FGFR1: variants seen among roughly 807,000 people sequenced by gnomAD.
FGFR1 encodes fibroblast growth factor receptor 1.
In FGFR1, 18 loss-of-function variants were observed where a neutral mutation model predicts 93.7. That is an observed-to-expected ratio of 0.19 (90% CI 0.13 to 0.28). FGFR1 has a LOEUF of 0.28. Among genes scored for constraint, FGFR1 ranks in the 10% least tolerant of loss-of-function variants. FGFR1 has a pLI of 1.00. For synonymous variants in FGFR1, 448 were observed against 429.3 expected, an observed-to-expected ratio of 1.04 and a Z score of -0.54; for missense variants, 731 against 1,080.4, an observed-to-expected ratio of 0.68 and a Z score of 4.53.
intron 2 of FGFR1, among the ~76,000 whole-genome samples, chr8:38,441,609 G>A (rs143066266): frequency 2.6e-5 from 4 of 152,304 alleles, no homozygotes; most frequent in Admixed American, 6.5e-5. Flanking sequence ...GCATTGCTCT[G>A]GAAAGAGGGA....
chr8:38,413,503 C>G lies in FGFR1; in HGVS notation c.*125G>C. The G allele has an allele frequency of 8.9e-7, 1 of 1,128,714 alleles. No individual in the cohort carries two copies. Among genetic ancestry groups the G allele is most frequent in the Non-Finnish European group, 1.3e-6 (1 of 795,996 alleles). The allele number at this position is 1,128,714 out of a possible 1,614,324, so 69.9% of individuals were successfully genotyped here. ...GAAGGCAGGCCACACAGGAAGGCCC[C>G]TGGTAGGCAGCCGGCTCCTGCCAGC... On this transcript the variant is annotated 3_prime_UTR_variant, in exon 18 of 18. Transcript: ENST00000447712. This position sits in a 1 kb window ranked among gnomAD's most constrained non-coding sequence, Gnocchi z 4.2.
At position 38,424,379 on chromosome 8, in the gene FGFR1, G is replaced by A. The variant is rs781513971; in HGVS notation, c.936+130C>T. The A allele has an allele frequency of 4.2e-6, 4 of 941,490 alleles. No individual in the cohort carries two copies. Among genetic ancestry groups the A allele is most frequent in the Non-Finnish European group, 6.9e-6 (4 of 583,378 alleles). The allele number at this position is 941,490 out of a possible 1,614,324, so 58.3% of individuals were successfully genotyped here. On this transcript the variant is annotated intron_variant, in intron 7 of 17. Transcript: ENST00000447712. The surrounding 1 kb of genome is among the most constrained non-coding windows in gnomAD (Gnocchi z 4.3). ...GTGGCTAGATCCCTACTGAGATGGAGTGTGTGTGCCTGAAGCGTGAGGAAT... is the reference window on the plus strand; with the variant it reads ...GTGGCTAGATCCCTACTGAGATGGAATGTGTGTGCCTGAAGCGTGAGGAAT...
At chr8:38,441,211 C>T (rs997095390) in intron 2 of FGFR1, among the ~76,000 whole-genome samples, 3 of 152,270 alleles carry the variant, frequency 2.0e-5, no homozygotes, top group East Asian at 1.9e-4. Context: ...TAAAGGATAA[C>T]GCAGCCTGAG....
At position 38,429,943 on chromosome 8, in the gene FGFR1, G is replaced by A. The variant is rs1371683958; in HGVS notation, c.97C>T (p.Pro33Ser). 4 of 1,606,734 alleles carry A rather than the reference G, an allele frequency of 2.5e-6. No individual in the cohort carries two copies. The highest frequency in any genetic ancestry group is 1.3e-5 in the African/African-American group (1 of 74,800). ...PSPTLPEQAQ[P>S]WGAPVEVESF... ...TCCACTTCCACAGGGGCTCCCCAGGGCTGGGCTGCAGCCACCACGGGGCCG... is the reference window on the plus strand; with the variant it reads ...TCCACTTCCACAGGGGCTCCCCAGGACTGGGCTGCAGCCACCACGGGGCCG... The change falls in exon 3 of 18, where the codon CCC (proline) becomes TCC (serine). Residue 33 changes from proline to serine, a missense_variant. Around this residue, in one of 10 missense-constraint regions of FGFR1, gnomAD observed 212 missense variants for 205.8 expected, o/e 1.03. Coordinates refer to ENST00000447712, the MANE Select transcript of FGFR1 (RefSeq NM_023110.3). The surrounding 1 kb of genome is among the most constrained non-coding windows in gnomAD (Gnocchi z 4.4).
At chr8:38,437,599 A>AAG (rs1464139701) in intron 2 of FGFR1, among the ~76,000 whole-genome samples, 16 of 152,196 alleles carry the variant, frequency 1.1e-4, no homozygotes, top group African/African-American at 3.6e-4. Context: ...GGGGGAACAG[A>AAG]AGAGAATGAA....
rs2150568218 is a variant in FGFR1, at chr8:38,414,995, CAT to C, written c.1855-96_1855-95del. The C allele has an allele frequency of 3.0e-6, 3 of 986,940 alleles. No individual in the cohort carries two copies. The East Asian group carries it at 7.4e-5, about 24-fold the overall frequency. 61.1% of individuals were successfully genotyped at this position (986,940 alleles called of 1,614,324 possible). ...ACCCATGCAACTAGCCGACTTGTCTCATAGAACTTCTGCCACACTGCTCTGCC... is the reference window on the plus strand; with the variant it reads ...ACCCATGCAACTAGCCGACTTGTCTCAGAACTTCTGCCACACTGCTCTGCC... On this transcript the variant is annotated intron_variant, in intron 13 of 17. Transcript: ENST00000447712.
chr8:38,417,121 C>G (rs1032347184), intron 12 of FGFR1, among the ~76,000 whole-genome samples, 185 bp downstream of exon 12: 7 of 152,236 alleles, frequency 4.6e-5, no homozygotes, highest in African/African-American at 1.2e-4. Flanking sequence ...ATCTAGGTAT[C>G]TGTATTCCTG....
chr8:38,425,387 A>G (rs930584055), intron 6 of FGFR1, among the ~76,000 whole-genome samples: 2 of 152,132 alleles, frequency 1.3e-5, no homozygotes, highest in Non-Finnish European at 2.9e-5. Context: ...GCCTCAAGCA[A>G]TCCTCCAGCC....
In FGFR1 at chr8:38,418,006, A is replaced by AGAGAGTGGCAT; in HGVS notation, c.1431-26_1431-16dup. 6.2e-7 allele frequency: 1 copy of AGAGAGTGGCAT among 1,614,052 alleles called. No individual in the cohort carries two copies. Among genetic ancestry groups the AGAGAGTGGCAT allele is most frequent in the Non-Finnish European group, 8.5e-7 (1 of 1,179,906 alleles). On this transcript the variant is annotated splice_polypyrimidine_tract_variant and intron_variant, in intron 10 of 17. Transcript: ENST00000447712. Reference sequence around the variant, plus strand: ...CTAAGACCAGTCTTTCGGGGGAAACAGAGAGTGGCATAAGTTGGGGCTGGT... The same window carrying AGAGAGTGGCAT: ...CTAAGACCAGTCTTTCGGGGGAAACAGAGAGTGGCATGAGAGTGGCATAAGTTGGGGCTGGT...
chr8:38,442,674 G>T (rs1361873489), intron 2 of FGFR1, among the ~76,000 whole-genome samples: 1 of 152,140 alleles, frequency 6.6e-6, no homozygotes, highest in Non-Finnish European at 1.5e-5. Context: ...CCCAGCTGGG[G>T]CCTCTCGAAC....
chr8:38,464,312 CAAAAAAA>C (rs56133772), intron 1 of FGFR1, among the ~76,000 whole-genome samples: 1 of 82,394 alleles, frequency 1.2e-5, no homozygotes, highest in Non-Finnish European at 2.3e-5. Context: ...GAGACTATCT[CAAAAAAA>C]AAAAAAAAAA....
chr8:38,411,247 T>A lies in FGFR1; in HGVS notation c.*2381A>T. The A allele has an allele frequency of 4.8e-6, 1 of 208,090 alleles. No homozygotes were observed. The highest frequency in any genetic ancestry group is 7.3e-5 in the East Asian group (1 of 13,720). The allele number at this position is 208,090 out of a possible 1,614,324, so 12.9% of individuals were successfully genotyped here. ...ACATCACTGTAATTATGATAGTGCC[T>A]TATATTTTTCTAGCACCTCTCCCAA... On this transcript the variant is annotated 3_prime_UTR_variant, in exon 18 of 18. Coordinates refer to ENST00000447712, the MANE Select transcript of FGFR1 (RefSeq NM_023110.3).
At chr8:38,444,921 A>G (rs1393929133) in intron 2 of FGFR1, among the ~76,000 whole-genome samples, 3 of 152,118 alleles carry the variant, frequency 2.0e-5, no homozygotes, top group Non-Finnish European at 2.9e-5. Flanking sequence ...AGCCACAGGT[A>G]GTTGTCACTG....
intron 2 of FGFR1, among the ~76,000 whole-genome samples, chr8:38,444,169 A>G (rs1828536718): frequency 6.6e-6 from 1 of 152,022 alleles, no homozygotes; most frequent in South Asian, 2.1e-4. Flanking sequence ...GGTTCCAAAA[A>G]TCTGGAGGGA....
intron 2 of FGFR1, among the ~76,000 whole-genome samples, chr8:38,451,193 G>C (rs1338383463): frequency 6.6e-6 from 1 of 151,984 alleles, no homozygotes; most frequent in Non-Finnish European, 1.5e-5. Context: ...TACCATCCAG[G>C]TTGAATGAGA....
chr8:38,417,617 G>A, intron 11 of FGFR1: 1 of 718,568 alleles, frequency 1.4e-6, no homozygotes, highest in Non-Finnish European at 2.4e-6. Context: ...GGGATGTGGT[G>A]AGGAAAGCCT....
In FGFR1 at chr8:38,426,869, T is replaced by C. The variant is rs1277068170; in HGVS notation, c.622-624A>G. On this transcript the variant is annotated intron_variant, in intron 5 of 17. Transcript: ENST00000447712. The surrounding 1 kb of genome is among the most constrained non-coding windows in gnomAD (Gnocchi z 4.1). ...GGCTCAAGCCTGTAATCCCAGCTCTTTGGGAGGCCCAGGCGGACAGATCAC... is the reference window on the plus strand; with the variant it reads ...GGCTCAAGCCTGTAATCCCAGCTCTCTGGGAGGCCCAGGCGGACAGATCAC... 6.6e-6 allele frequency among the ~76,000 whole-genome samples: 1 copy of C among 152,196 alleles called. No homozygotes were observed. Among genetic ancestry groups the C allele is most frequent in the East Asian group, 1.9e-4 (1 of 5,198 alleles).
Position 38,453,662 on chromosome 8 carries a change from G to A in FGFR1, c.91+3694C>T, listed in dbSNP as rs534001071. On this transcript the variant is annotated intron_variant, in intron 2 of 17. Coordinates refer to ENST00000447712, the MANE Select transcript of FGFR1 (RefSeq NM_023110.3). The stretch of plus-strand genomic sequence containing the variant: ...CACACCTATAGTCCCAGCACTTTGG[G>A]AAGCCGAGGTGGGCAGATCACTTGA... Among the ~76,000 whole-genome samples the A allele has an allele frequency of 3.3e-5, 5 of 152,302 alleles. No individual in the cohort carries two copies. The South Asian group carries it at 8.3e-4, about 25-fold the overall frequency.
chr8:38,464,980 A>G (rs1412566599), intron 1 of FGFR1, among the ~76,000 whole-genome samples: 1 of 152,188 alleles, frequency 6.6e-6, no homozygotes, highest in African/African-American at 2.4e-5. Flanking sequence ...CAAAGAGCAC[A>G]CCACTAAAAG....
Sources: gnomAD v4.1 joint callset for allele counts (sites outside exome capture counted in the v4.1 genomes callset) on GRCh38, gnomAD v4.1.1 for gene constraint, gnomAD v4.1.1 regional missense constraint, Gnocchi (gnomAD v3.1) non-coding constraint, MANE v1.5 for transcripts, NCBI Gene and HGNC (gene_info 2026-07-23, HGNC 2026-07-21) for gene names.